RNLS: variants seen among roughly 807,000 people sequenced by gnomAD.
The protein encoded by RNLS is renalase.
In RNLS, 39 loss-of-function variants were observed where a neutral mutation model predicts 39.8. The ratio of observed to expected loss-of-function variants is 0.98; its 90% CI spans 0.76 to 1.28. RNLS has a LOEUF of 1.28. Ranked by LOEUF, RNLS falls within the 50% of genes most tolerant of loss-of-function variation. RNLS has a pLI of 0.00. For missense variants in RNLS, 410 were observed against 413.3 expected, an observed-to-expected ratio of 0.99 and a Z score of 0.07; for synonymous variants, 147 against 150.7, an observed-to-expected ratio of 0.98 and a Z score of 0.18.
chr10:88,434,787 T>C (rs1855364238), intron 4 of RNLS, among the ~76,000 whole-genome samples: 1 of 152,130 alleles, frequency 6.6e-6, no homozygotes, highest in Non-Finnish European at 1.5e-5. Flanking sequence ...TAACTAAAGT[T>C]ATTTAATCTG....
At chr10:88,185,075 C>T in the RNLS span, among the ~76,000 whole-genome samples, 1 of 152,134 alleles carries the variant, frequency 6.6e-6, no homozygotes, top group Non-Finnish European at 1.5e-5. Context: ...AATATAGTCA[C>T]TGAGGCCGAG....
intron 4 of RNLS, among the ~76,000 whole-genome samples, chr10:88,399,241 G>A (rs1852760296): frequency 6.6e-6 from 1 of 152,020 alleles, no homozygotes; most frequent in South Asian, 2.1e-4. Context: ...TATACATAGA[G>A]TTACCATATA....
chr10:88,465,550 G>C (rs898962794), intron 4 of RNLS, among the ~76,000 whole-genome samples: 1 of 152,086 alleles, frequency 6.6e-6, no homozygotes, highest in Non-Finnish European at 1.5e-5. Flanking sequence ...ATCCAGAATA[G>C]GTGGGTGCAG....
rs762756164 is a variant in RNLS, at chr10:88,514,121, T to TA, written c.526+58781dup. On this transcript the variant is annotated intron_variant, in intron 4 of 6. Transcript: ENST00000331772. ...CAACTGCCCGAGACTGGGTAATTTA[T>TA]AAAAAAAAAAAAAAAGGTTTAATTG... Among the ~76,000 whole-genome samples, 859 of 120,238 alleles carry TA rather than the reference T, an allele frequency of 7.1e-3. 7 individuals carry two copies. The highest frequency in any genetic ancestry group is 0.02 in the African/African-American group (642 of 31,934). The allele number at this position is 120,238 out of a possible 152,430, so 78.9% of individuals were successfully genotyped here. A position where few individuals can be genotyped will look rare whatever the true frequency, so the allele number is the denominator to read the frequency against.
chr10:88,514,826 A>G (rs1980812), intron 4 of RNLS, among the ~76,000 whole-genome samples: 67,916 of 151,892 alleles, frequency 0.45, 15,520 homozygotes, highest in East Asian at 0.59. Context: ...TGTGAAAAAC[A>G]CTGCAATAAA....
intron 4 of RNLS, among the ~76,000 whole-genome samples, chr10:88,367,891 T>C (rs905468751): frequency 1.3e-5 from 2 of 152,146 alleles, no homozygotes; most frequent in Non-Finnish European, 2.9e-5. Flanking sequence ...CTTTATATAT[T>C]GTGGATATGA....
At chr10:88,247,927 T>C in the RNLS span, among the ~76,000 whole-genome samples, 2 of 152,200 alleles carry the variant, frequency 1.3e-5, no homozygotes, top group Non-Finnish European at 2.9e-5. Flanking sequence ...CAGCCTCTAG[T>C]TGCTGGAAAA....
At chr10:88,367,035 CACAT>C (rs781078345) in intron 4 of RNLS, among the ~76,000 whole-genome samples, 4 of 151,794 alleles carry the variant, frequency 2.6e-5, no homozygotes, top group Non-Finnish European at 4.4e-5. Flanking sequence ...GTTGTCATTT[CACAT>C]ACATGCACAC....
chr10:88,518,628 A>T (rs1846534884), intron 4 of RNLS, among the ~76,000 whole-genome samples: 1 of 151,966 alleles, frequency 6.6e-6, no homozygotes, highest in South Asian at 2.1e-4. Flanking sequence ...ATACAAACAG[A>T]TGGAAAGCTA....
downstream of RNLS, among the ~76,000 whole-genome samples, chr10:88,280,485 C>T (rs988832005): frequency 1.3e-5 from 2 of 152,146 alleles, no homozygotes; most frequent in Non-Finnish European, 2.9e-5. Context: ...TTTAGAGGTT[C>T]TCCTTGGACC....
chr10:88,176,898 G>A, the RNLS span, among the ~76,000 whole-genome samples: 1 of 152,138 alleles, frequency 6.6e-6, no homozygotes, highest in Admixed American at 6.5e-5. Context: ...TGTTCTTTCA[G>A]CACTTGGAAT....
chr10:88,461,746 G>C (rs1225491574), intron 4 of RNLS, among the ~76,000 whole-genome samples: 1 of 152,026 alleles, frequency 6.6e-6, no homozygotes, highest in Non-Finnish European at 1.5e-5. Flanking sequence ...AGGTATGTTT[G>C]AATAATAAAG....
At chr10:88,579,066 T>A (rs1850375124) in intron 3 of RNLS, among the ~76,000 whole-genome samples, 1 of 152,212 alleles carries the variant, frequency 6.6e-6, no homozygotes, top group South Asian at 2.1e-4. Flanking sequence ...TAGTTTTGCA[T>A]GACACTGAAA....
At chr10:88,172,163 G>C in the RNLS span, among the ~76,000 whole-genome samples, 1 of 152,088 alleles carries the variant, frequency 6.6e-6, no homozygotes, top group African/African-American at 2.4e-5. Flanking sequence ...TCAATATATT[G>C]ATTTCCTTTC....
chr10:88,237,296 C>T, the RNLS span, among the ~76,000 whole-genome samples: 1 of 137,266 alleles, frequency 7.3e-6, no homozygotes, highest in Non-Finnish European at 1.5e-5. Flanking sequence ...TTCCTTCCTC[C>T]CTCCCTCCCT....
chr10:88,350,270 T>G (rs1363650411), intron 5 of RNLS, among the ~76,000 whole-genome samples: 1 of 152,114 alleles, frequency 6.6e-6, no homozygotes, highest in Non-Finnish European at 1.5e-5. Context: ...CTAGGGTACA[T>G]GTGCACAACG....
intron 4 of RNLS, among the ~76,000 whole-genome samples, chr10:88,427,699 CA>C (rs2133793318): frequency 6.6e-6 from 1 of 151,990 alleles, no homozygotes; most frequent in Non-Finnish European, 1.5e-5. Flanking sequence ...CTCCATAGAA[CA>C]GAGAGAAATC....
intron 4 of RNLS, among the ~76,000 whole-genome samples, chr10:88,517,058 A>T (rs1846442308): frequency 6.6e-6 from 1 of 151,990 alleles, no homozygotes; most frequent in Admixed American, 6.6e-5. Flanking sequence ...TCTGGAGGTG[A>T]CATGGTTAAT....
At chr10:88,222,689 G>C in the RNLS span, among the ~76,000 whole-genome samples, 2 of 93,234 alleles carry the variant, frequency 2.1e-5, no homozygotes, top group Non-Finnish European at 4.2e-5. Context: ...AAATCACCAT[G>C]AGAGGTAAGT....
Sources: allele counts gnomAD v4.1 joint callset (sites outside exome capture counted in the v4.1 genomes callset), GRCh38; gene constraint gnomAD v4.1.1; transcripts MANE v1.5; gene names NCBI Gene and HGNC (gene_info 2026-07-23, HGNC 2026-07-21).